Variants in PPP6R3 observed in about 807,000 individuals in gnomAD.
PPP6R3 encodes serine/threonine-protein phosphatase 6 regulatory subunit 3.
Under a neutral mutation model 110.7 loss-of-function variants are expected in PPP6R3, and 38 were observed. The ratio of observed to expected loss-of-function variants is 0.34; its 90% CI spans 0.26 to 0.45. PPP6R3 has a LOEUF of 0.45. Among genes scored for constraint, PPP6R3 ranks in the 20% least tolerant of loss-of-function variants. The pLI is 1.00. For synonymous variants in PPP6R3, 369 were observed against 373.5 expected, an observed-to-expected ratio of 0.99 and a Z score of 0.14; for missense variants, 870 against 1,062.4, an observed-to-expected ratio of 0.82 and a Z score of 2.52.
At chr11:68,479,122 A>G (rs1371431155) in intron 1 of PPP6R3, among the ~76,000 whole-genome samples, 1 of 152,226 alleles carries the variant, frequency 6.6e-6, no homozygotes, top group East Asian at 1.9e-4. Flanking sequence ...TCAATAAGCA[A>G]TCATATTCTT....
rs1290008247 is a variant in PPP6R3 at position 68,615,067 on chromosome 11, C to T, written c.*1950C>T. The T allele has an allele frequency of 1.9e-5, 9 of 477,364 alleles. No individual in the cohort carries two copies. Among genetic ancestry groups the T allele is most frequent in the Admixed American group, 4.6e-5 (2 of 43,176 alleles). The allele number at this position is 477,364 out of a possible 1,614,324, so 29.6% of individuals were successfully genotyped here. On this transcript the variant is annotated 3_prime_UTR_variant, in exon 24 of 24. Coordinates refer to ENST00000393800, the MANE Select transcript of PPP6R3 (RefSeq NM_001164161.2). Reference sequence around the variant, plus strand: ...ACAGTGTCTTGCTTCATCCCACTGACTGCTGGGAGAGAGCCTCTGGGACTT... The same window carrying T: ...ACAGTGTCTTGCTTCATCCCACTGATTGCTGGGAGAGAGCCTCTGGGACTT...
chr11:68,570,346 A>ATAATTT (rs1301171715), intron 11 of PPP6R3, among the ~76,000 whole-genome samples: 2 of 152,200 alleles, frequency 1.3e-5, no homozygotes, highest in Non-Finnish European at 2.9e-5. Context: ...CAAATATGAG[A>ATAATTT]TAATTTTACT....
Position 68,613,663 on chromosome 11 carries a change from G to C in PPP6R3, c.*546G>C. On this transcript the variant is annotated 3_prime_UTR_variant, in exon 24 of 24. Coordinates refer to ENST00000393800, the MANE Select transcript of PPP6R3 (RefSeq NM_001164161.2). ...AGTGATTTTGAATAAGAAATATTTG[G>C]TGTTCTTTTTATAACCAGTTTTTGA... is the stretch of plus-strand genomic sequence containing the variant. 11 of 984,974 alleles carry C rather than the reference G, an allele frequency of 1.1e-5. No individual in the cohort carries two copies. The highest frequency in any genetic ancestry group is 1.3e-5 in the Non-Finnish European group (11 of 829,164). 61.0% of individuals were successfully genotyped at this position (984,974 alleles called of 1,614,324 possible). A position where few individuals can be genotyped will look rare whatever the true frequency, so the allele number is the denominator to read the frequency against.
At chr11:68,498,388 A>G (rs1383372794) in intron 1 of PPP6R3, among the ~76,000 whole-genome samples, 1 of 152,168 alleles carries the variant, frequency 6.6e-6, no homozygotes, top group Non-Finnish European at 1.5e-5. Context: ...CTATATTATT[A>G]CTATTTAAAA....
rs116871771 is a variant in PPP6R3, at chr11:68,576,154, A to T, written c.1545+111A>T. 4.7e-3 allele frequency: 3,548 copies of T among 755,362 alleles called. 85 individuals carry two copies. The East Asian group carries it at 0.069, about 15-fold the overall frequency. 46.8% of individuals were successfully genotyped at this position (755,362 alleles called of 1,614,324 possible). A position where few individuals can be genotyped will look rare whatever the true frequency, so the allele number is the denominator to read the frequency against. The stretch of plus-strand genomic sequence containing the variant: ...TTACCTCAGTAACTGTGAGCCAAAG[A>T]TAAATTCTTATCTCTTTACCAGGGA... On this transcript the variant is annotated intron_variant, in intron 14 of 23. Coordinates refer to ENST00000393800, the MANE Select transcript of PPP6R3 (RefSeq NM_001164161.2).
intron 1 of PPP6R3, among the ~76,000 whole-genome samples, chr11:68,474,910 TA>T (rs1303191013): frequency 1.2e-4 from 19 of 152,076 alleles, no homozygotes; most frequent in Non-Finnish European, 1.5e-4. Flanking sequence ...TCCTTTTTTT[TA>T]TTTTTTTTAT....
chr11:68,510,184 G>C (rs1011086378), intron 1 of PPP6R3, among the ~76,000 whole-genome samples: 5 of 151,044 alleles, frequency 3.3e-5, no homozygotes, highest in Non-Finnish European at 5.9e-5. Context: ...GGGATTACAG[G>C]CATGAGCCCC....
At chr11:68,611,069 G>T (rs1252853493) in intron 23 of PPP6R3, among the ~76,000 whole-genome samples, 3 of 152,188 alleles carry the variant, frequency 2.0e-5, no homozygotes, top group African/African-American at 7.2e-5. Context: ...ATTTGAGCAT[G>T]TTGGCTCTAG....
intron 1 of PPP6R3, among the ~76,000 whole-genome samples, chr11:68,467,899 C>T (rs533668747): frequency 5.6e-4 from 85 of 152,306 alleles, no homozygotes; most frequent in African/African-American, 1.8e-3. Flanking sequence ...CTCAGCCTCC[C>T]GAGTAGCTGG....
chr11:68,582,152 C>T (rs573738617), intron 14 of PPP6R3, among the ~76,000 whole-genome samples: 10 of 152,282 alleles, frequency 6.6e-5, no homozygotes, highest in African/African-American at 2.2e-4. Context: ...ACATTCCCTG[C>T]CCAAAACACT....
chr11:68,601,378 C>T (rs981795660), intron 20 of PPP6R3, among the ~76,000 whole-genome samples: 10 of 152,192 alleles, frequency 6.6e-5, no homozygotes, highest in Admixed American at 2.0e-4. Context: ...CCCCTTACTG[C>T]TCAGGCATTT....
At chr11:68,468,644 G>A (rs914366327) in intron 1 of PPP6R3, among the ~76,000 whole-genome samples, 5 of 152,254 alleles carry the variant, frequency 3.3e-5, no homozygotes, top group African/African-American at 1.2e-4. Flanking sequence ...CTGCTCTGCG[G>A]AAGTCAGGGT....
rs184154067 is a variant in PPP6R3, at chr11:68,614,157, C to A, written c.*1040C>A. ...TTTAAAAGTAGAAATCAAAATCTGG[C>A]ACCGAAGCATGCTAATTGTTTACTG... On this transcript the variant is annotated 3_prime_UTR_variant, in exon 24 of 24. Coordinates refer to ENST00000393800, the MANE Select transcript of PPP6R3 (RefSeq NM_001164161.2). 3.0e-6 allele frequency: 3 copies of A among 986,150 alleles called. No individual in the cohort carries two copies. In the African/African-American group the frequency reaches 5.2e-5, roughly 17 times the overall value. 61.1% of individuals were successfully genotyped at this position (986,150 alleles called of 1,614,324 possible).
At chr11:68,532,116 T>C (rs2099244469) in intron 2 of PPP6R3, among the ~76,000 whole-genome samples, 1 of 152,228 alleles carries the variant, frequency 6.6e-6, no homozygotes, top group Non-Finnish European at 1.5e-5. Context: ...GTGGCACCTT[T>C]TTCCAGAGAG....
chr11:68,545,040 CA>C lies in PPP6R3; in HGVS notation c.414+20del. On this transcript the variant is annotated intron_variant, in intron 4 of 23. Coordinates refer to ENST00000393800, the MANE Select transcript of PPP6R3 (RefSeq NM_001164161.2). ...ACCAGAACAGGTAAATATGATTTTC[CA>C]AAAGGTAAGTATTAGGGCTGATCAT... 6.4e-7 allele frequency: 1 copy of C among 1,567,896 alleles called. No homozygotes were observed. The highest frequency in any genetic ancestry group is 1.4e-5 in the African/African-American group (1 of 73,820).
chr11:68,521,090 G>A (rs2099162268), intron 2 of PPP6R3, among the ~76,000 whole-genome samples: 2 of 151,998 alleles, frequency 1.3e-5, no homozygotes, highest in Non-Finnish European at 2.9e-5. Flanking sequence ...TTTTATTATT[G>A]TTCTTTGTAT....
intron 1 of PPP6R3, among the ~76,000 whole-genome samples, chr11:68,508,101 G>T (rs531671239): frequency 3.0e-4 from 44 of 144,424 alleles, no homozygotes; most frequent in African/African-American, 1.1e-3. Flanking sequence ...TTTTTCCCCG[G>T]CCTAAGTGAG....
chr11:68,520,644 C>G (rs993567245), intron 2 of PPP6R3, among the ~76,000 whole-genome samples: 12 of 152,232 alleles, frequency 7.9e-5, no homozygotes, highest in African/African-American at 2.9e-4. Flanking sequence ...CCCCGATATT[C>G]AGATTCTCGT....
chr11:68,503,373 G>A (rs2099058428), intron 1 of PPP6R3, among the ~76,000 whole-genome samples: 1 of 152,230 alleles, frequency 6.6e-6, no homozygotes, highest in African/African-American at 2.4e-5. Flanking sequence ...TTTACTTCGA[G>A]CAAATGTGCT....
Sources: gnomAD v4.1 joint callset for allele counts (sites outside exome capture counted in the v4.1 genomes callset) on GRCh38, gnomAD v4.1.1 for gene constraint, MANE v1.5 for transcripts, NCBI Gene and HGNC (gene_info 2026-07-23, HGNC 2026-07-21) for gene names.